AUTS2: variants seen among roughly 807,000 people sequenced by gnomAD.
AUTS2 encodes activator of transcription and developmental regulator AUTS2.
Under a neutral mutation model 112.4 loss-of-function variants are expected in AUTS2, and 17 were observed. That is an observed-to-expected ratio of 0.15 (90% confidence interval 0.10 to 0.23). The LOEUF is 0.23. AUTS2 is among the 10% of genes least tolerant of loss of function. AUTS2 has a pLI of 1.00. For missense variants in AUTS2, 1,510 were observed against 1,701.6 expected (o/e 0.89, Z 1.98); for synonymous variants, 751 against 702.7 (o/e 1.07, Z -1.09).
At chr7:70,159,743 TCAAA>T (rs1260653204) in intron 4 of AUTS2, among the ~76,000 whole-genome samples, 5 of 152,208 alleles carry the variant, frequency 3.3e-5, no homozygotes, top group Admixed American at 3.3e-4. Flanking sequence ...TTATGAATTG[TCAAA>T]CAGTGAAAAT....
chr7:70,469,603 A>G (rs555379057), intron 5 of AUTS2, among the ~76,000 whole-genome samples: 20 of 152,144 alleles, frequency 1.3e-4, no homozygotes, highest in African/African-American at 4.3e-4. Flanking sequence ...TTGATATATA[A>G]TTGATAAGAT....
At chr7:70,054,300 C>G (rs1584644929) in intron 2 of AUTS2, among the ~76,000 whole-genome samples, 1 of 152,172 alleles carries the variant, frequency 6.6e-6, no homozygotes, top group Non-Finnish European at 1.5e-5. Flanking sequence ...GTCTCCTTTA[C>G]TTGTCCCCTT....
At chr7:69,731,196 G>A (rs1786776254) in intron 1 of AUTS2, among the ~76,000 whole-genome samples, 2 of 152,190 alleles carry the variant, frequency 1.3e-5, no homozygotes, top group Admixed American at 6.5e-5. Context: ...GGGAACTGAG[G>A]TAGAAGGATC....
At chr7:70,526,304 C>T (rs1052400908) in intron 5 of AUTS2, among the ~76,000 whole-genome samples, 2 of 152,210 alleles carry the variant, frequency 1.3e-5, no homozygotes, top group African/African-American at 4.8e-5. Context: ...CTGCTGACAT[C>T]GTTTATTCTT....
intron 1 of AUTS2, among the ~76,000 whole-genome samples, chr7:69,633,356 G>A (rs762453240): frequency 2.6e-5 from 4 of 151,882 alleles, no homozygotes; most frequent in Admixed American, 6.6e-5. Context: ...TTTGCCTGTC[G>A]ACAGATGCTT....
chr7:70,674,493 G>T lies in AUTS2; in HGVS notation c.691-24076G>T, dbSNP rs775216827. 2.6e-5 allele frequency among the ~76,000 whole-genome samples: 4 copies of T among 152,180 alleles called. No homozygotes were observed. The East Asian group carries it at 5.8e-4, about 22-fold the overall frequency. On this transcript the variant is annotated intron_variant, in intron 5 of 18. Coordinates refer to ENST00000342771, the MANE Select transcript of AUTS2 (RefSeq NM_015570.4). ...TCCTTTTAAAAAAAGAAGAGGGAGC[G>T]AGGGAGTGAGGGTGGGGTAGGCGAG...
At chr7:70,408,699 A>G (rs1461695184) in intron 4 of AUTS2, among the ~76,000 whole-genome samples, 1 of 152,152 alleles carries the variant, frequency 6.6e-6, no homozygotes, top group Non-Finnish European at 1.5e-5. Flanking sequence ...ATGAGTGAAA[A>G]TATTCAGGTA....
At chr7:70,218,195 A>C (rs1326120437) in intron 4 of AUTS2, among the ~76,000 whole-genome samples, 1 of 152,138 alleles carries the variant, frequency 6.6e-6, no homozygotes, top group Non-Finnish European at 1.5e-5. Flanking sequence ...AATTCCTCTA[A>C]TTCATCCACC....
chr7:69,834,845 C>T (rs534945879), intron 1 of AUTS2, among the ~76,000 whole-genome samples: 1 of 152,306 alleles, frequency 6.6e-6, no homozygotes, highest in East Asian at 1.9e-4. Context: ...AATGCTGTAA[C>T]CAAATAAAAG....
At chr7:69,656,029 A>G (rs1361074231) in intron 1 of AUTS2, among the ~76,000 whole-genome samples, 4 of 152,228 alleles carry the variant, frequency 2.6e-5, no homozygotes, top group Non-Finnish European at 5.9e-5. Flanking sequence ...GAAAATTAAG[A>G]TAGTGATGAG....
At chr7:70,029,736 A>G (rs1047379548) in intron 2 of AUTS2, among the ~76,000 whole-genome samples, 34 of 152,344 alleles carry the variant, frequency 2.2e-4, no homozygotes, top group Middle Eastern at 6.8e-3. Flanking sequence ...ATCAGAGATC[A>G]GCAAACTTTT....
intron 4 of AUTS2, among the ~76,000 whole-genome samples, chr7:70,303,444 A>ACG (rs1406165249): frequency 6.9e-6 from 1 of 144,912 alleles, no homozygotes; most frequent in Non-Finnish European, 1.5e-5. Context: ...GCACATACAC[A>ACG]CACACACACA....
chr7:70,396,057 A>G (rs1228471835), intron 4 of AUTS2, among the ~76,000 whole-genome samples: 1 of 152,222 alleles, frequency 6.6e-6, no homozygotes, highest in Admixed American at 6.5e-5. Context: ...ATTGTGGTGT[A>G]ATTGACATAT....
Position 70,765,015 on chromosome 7 carries a change from A to T in AUTS2, c.1468+10A>T. Reference sequence around the variant, plus strand: ...GGGAGCACTTACTCAGGTAGGACGGAGGGGCCTGTGCTCGTGACCCCGACC... The same window carrying T: ...GGGAGCACTTACTCAGGTAGGACGGTGGGGCCTGTGCTCGTGACCCCGACC... On this transcript the variant is annotated intron_variant, in intron 8 of 18. Coordinates refer to ENST00000342771, the MANE Select transcript of AUTS2 (RefSeq NM_015570.4). 1 of 1,613,610 alleles carries T rather than the reference A, an allele frequency of 6.2e-7. No individual in the cohort carries two copies. The highest frequency in any genetic ancestry group is 8.5e-7 in the Non-Finnish European group (1 of 1,179,926).
chr7:69,995,669 C>T (rs1798915657), intron 2 of AUTS2, among the ~76,000 whole-genome samples: 1 of 152,188 alleles, frequency 6.6e-6, no homozygotes, highest in Non-Finnish European at 1.5e-5. Context: ...CTGCTTCCTT[C>T]ATCAGAATTG....
chr7:70,608,028 A>G (rs1803875292), intron 5 of AUTS2, among the ~76,000 whole-genome samples: 1 of 152,220 alleles, frequency 6.6e-6, no homozygotes, highest in Non-Finnish European at 1.5e-5. Flanking sequence ...TAAGCACAGC[A>G]CAGAGTACCA....
intron 1 of AUTS2, among the ~76,000 whole-genome samples, chr7:69,775,875 A>C (rs1400781782): frequency 1.3e-5 from 2 of 152,116 alleles, no homozygotes; most frequent in East Asian, 3.9e-4. Flanking sequence ...TGACAGTGCA[A>C]ATACCCCGGT....
At chr7:70,060,533 A>G (rs1388138783) in intron 2 of AUTS2, among the ~76,000 whole-genome samples, 3 of 152,240 alleles carry the variant, frequency 2.0e-5, no homozygotes, top group Non-Finnish European at 4.4e-5. Context: ...ACTGCAGAAA[A>G]GAGGTGAGAA....
At chr7:70,492,183 T>C (rs924891296) in intron 5 of AUTS2, among the ~76,000 whole-genome samples, 2 of 152,148 alleles carry the variant, frequency 1.3e-5, no homozygotes, top group South Asian at 2.1e-4. Context: ...GGGGTGCAGG[T>C]GTTCCCTAAC....
Sources: allele counts gnomAD v4.1 joint callset (sites outside exome capture counted in the v4.1 genomes callset), GRCh38; gene constraint gnomAD v4.1.1; transcripts MANE v1.5; gene names NCBI Gene and HGNC (gene_info 2026-07-23, HGNC 2026-07-21).